The following RAD51B variants were observed in gnomAD, a reference collection of about 807,000 sequenced individuals.
RAD51B encodes the protein DNA repair protein RAD51 homolog 2.
In RAD51B, 38 loss-of-function variants were observed where a neutral mutation model predicts 42.2. The ratio of observed to expected loss-of-function variants is 0.90; its 90% CI spans 0.70 to 1.18. The LOEUF (loss-of-function observed/expected upper bound fraction) is 1.18, where lower values mean the gene tolerates loss of function less well. Among genes scored for constraint, RAD51B ranks in the 50% most tolerant of loss-of-function variants. The pLI, the probability that RAD51B is intolerant of heterozygous loss-of-function variation, is 0.00. For missense variants in RAD51B, 373 were observed against 400.7 expected (o/e 0.93, Z 0.59); for synonymous variants, 154 against 145.2 (o/e 1.06, Z -0.43).
chr14:68,200,945 A>G (rs975731757), intron 7 of RAD51B, among the ~76,000 whole-genome samples: 3 of 152,260 alleles, frequency 2.0e-5, no homozygotes, highest in African/African-American at 7.2e-5. Flanking sequence ...GTAAGCTACC[A>G]TGCCCATCCA....
chr14:68,527,815 A>G (rs1335776129), intron 10 of RAD51B, among the ~76,000 whole-genome samples: 1 of 152,258 alleles, frequency 6.6e-6, no homozygotes, highest in Admixed American at 6.5e-5. Flanking sequence ...AAAGAACTGC[A>G]ACAAGTCAGC....
chr14:68,074,015 T>A (rs759958866), intron 7 of RAD51B, among the ~76,000 whole-genome samples: 2 of 152,164 alleles, frequency 1.3e-5, no homozygotes, highest in African/African-American at 2.4e-5. Context: ...GGGATGGTCA[T>A]GTTGTATAGT....
chr14:67,871,250 G>A (rs2042520039), intron 5 of RAD51B, among the ~76,000 whole-genome samples: 1 of 151,858 alleles, frequency 6.6e-6, no homozygotes, highest in African/African-American at 2.4e-5. Flanking sequence ...AATGATAAAG[G>A]GGATATCATC....
At chr14:67,941,902 A>T (rs1430531445) in intron 7 of RAD51B, among the ~76,000 whole-genome samples, 1 of 152,222 alleles carries the variant, frequency 6.6e-6, no homozygotes, top group Non-Finnish European at 1.5e-5. Context: ...CTGGGAAAGC[A>T]GAATGAAAGC....
At chr14:68,110,816 T>A (rs2077448640) in intron 7 of RAD51B, among the ~76,000 whole-genome samples, 2 of 152,048 alleles carry the variant, frequency 1.3e-5, no homozygotes, top group South Asian at 4.1e-4. Flanking sequence ...TGCGATACTG[T>A]GGCTCTCTTC....
At chr14:68,468,374 T>A in intron 10 of RAD51B, 124 bp downstream of exon 10, 2 of 1,009,320 alleles carry the variant, frequency 2.0e-6, no homozygotes, top group African/African-American at 1.6e-5. Flanking sequence ...CAAGATGCAT[T>A]GGCCAGTGAT....
intron 8 of RAD51B, among the ~76,000 whole-genome samples, chr14:68,313,141 G>A (rs2081994581): frequency 6.6e-6 from 1 of 152,162 alleles, no homozygotes; most frequent in Non-Finnish European, 1.5e-5. Flanking sequence ...GATCACAATT[G>A]CAACTGCTTA....
chr14:68,066,153 A>G (rs1180191623), intron 7 of RAD51B, among the ~76,000 whole-genome samples: 1 of 152,074 alleles, frequency 6.6e-6, no homozygotes, highest in Non-Finnish European at 1.5e-5. Context: ...GAAGTCATTA[A>G]ATTATTTACA....
chr14:68,022,902 AT>A (rs1162276828), intron 7 of RAD51B, among the ~76,000 whole-genome samples: 3 of 151,902 alleles, frequency 2.0e-5, no homozygotes, highest in African/African-American at 7.3e-5. Flanking sequence ...AACTTGTGGT[AT>A]TTGGGTTTTT....
In RAD51B at chr14:68,329,981, C is replaced by CAA. The variant is rs57191974; in HGVS notation, c.853+38019_853+38020dup. On this transcript the variant is annotated intron_variant, in intron 8 of 10. Transcript: ENST00000471583. ...TGGGCAACAGACCGAGACTCTGTCTCAAAAAAAAAAAAAAAAAAATTGATA... is the reference window on the plus strand; with the variant it reads ...TGGGCAACAGACCGAGACTCTGTCTCAAAAAAAAAAAAAAAAAAAAATTGATA... Among the ~76,000 whole-genome samples, 112 of 113,836 alleles carry CAA rather than the reference C, an allele frequency of 9.8e-4. 1 individual carries two copies. Among genetic ancestry groups the CAA allele is most frequent in the African/African-American group, 3.7e-3 (105 of 28,292 alleles). 74.7% of individuals were successfully genotyped at this position (113,836 alleles called of 152,430 possible).
intron 7 of RAD51B, among the ~76,000 whole-genome samples, chr14:67,935,498 A>G (rs954871367): frequency 8.5e-5 from 13 of 152,066 alleles, no homozygotes; most frequent in Admixed American, 2.0e-4. Context: ...CCATGTAGCT[A>G]GGACTACAGG....
chr14:68,315,927 T>C (rs1441374509), intron 8 of RAD51B, among the ~76,000 whole-genome samples: 1 of 152,242 alleles, frequency 6.6e-6, no homozygotes, highest in Non-Finnish European at 1.5e-5. Flanking sequence ...AACTAGGGCT[T>C]ATCTGAATGA....
chr14:67,948,931 C>CAAAAAA (rs59465805), intron 7 of RAD51B, among the ~76,000 whole-genome samples: 6 of 17,056 alleles, frequency 3.5e-4, no homozygotes, highest in African/African-American at 9.6e-4. Context: ...GACTCTGTCT[C>CAAAAAA]AAAAAAAAAA....
At chr14:67,926,884 G>A (rs1203654567) in intron 7 of RAD51B, among the ~76,000 whole-genome samples, 1 of 152,048 alleles carries the variant, frequency 6.6e-6, no homozygotes, top group Non-Finnish European at 1.5e-5. Context: ...CTTAACACTG[G>A]GCAAAGAATC....
chr14:68,362,839 A>T (rs1486562997), intron 8 of RAD51B, among the ~76,000 whole-genome samples: 1 of 151,764 alleles, frequency 6.6e-6, no homozygotes, highest in Non-Finnish European at 1.5e-5. Context: ...ACAGAGTGAG[A>T]TTCCGTCTCA....
intron 9 of RAD51B, chr14:68,421,992 C>A: frequency 4.6e-6 from 7 of 1,529,818 alleles, no homozygotes; most frequent in Non-Finnish European, 6.3e-6. Context: ...ATTATGGTGA[C>A]TTCACAGTCA....
chr14:68,273,631 G>A (rs991424800), intron 7 of RAD51B, among the ~76,000 whole-genome samples: 1 of 152,110 alleles, frequency 6.6e-6, no homozygotes, highest in African/African-American at 2.4e-5. Flanking sequence ...CACTTGAGTG[G>A]GCACACAGGG....
rs374793479 is a variant in RAD51B at position 68,648,021 on chromosome 14, ACG to A, written c.1037-2759_1037-2758del. The stretch of plus-strand genomic sequence containing the variant: ...AAATTGAGCATATATATATATATAT[ACG>A]TATATATATATATACACACGTATAT... On this transcript the variant is annotated intron_variant, in intron 10 of 11. Coordinates refer to the RAD51B transcript ENST00000488612. Among the ~76,000 whole-genome samples, 246 of 54,298 alleles carry A rather than the reference ACG, an allele frequency of 4.5e-3. 5 individuals are homozygous for A. Among genetic ancestry groups the A allele is most frequent in the African/African-American group, 0.012 (158 of 13,368 alleles). The allele number at this position is 54,298 out of a possible 152,430, so 35.6% of individuals were successfully genotyped here.
At chr14:67,941,245 G>T (rs1440820487) in intron 7 of RAD51B, among the ~76,000 whole-genome samples, 2 of 152,130 alleles carry the variant, frequency 1.3e-5, no homozygotes, top group Non-Finnish European at 2.9e-5. Context: ...CAAAACCCTT[G>T]AGAATACCCT....
Sources: allele counts gnomAD v4.1 joint callset (sites outside exome capture counted in the v4.1 genomes callset), GRCh38; gene constraint gnomAD v4.1.1; transcripts MANE v1.5; gene names NCBI Gene and HGNC (gene_info 2026-07-23, HGNC 2026-07-21).